Variants in RAD52 observed in about 807,000 individuals in gnomAD.
RAD52 encodes the protein RAD52 DNA repair protein.
A neutral mutation model predicts 55.5 loss-of-function variants in RAD52; 47 were observed. The ratio of observed to expected loss-of-function variants is 0.85; its 90% CI spans 0.67 to 1.08. The LOEUF is 1.08. RAD52 is among the 50% of genes least tolerant of loss of function. The pLI is 0.00. For missense variants in RAD52, 468 were observed against 522.8 expected (o/e 0.90, Z 1.02); for synonymous variants, 184 against 198.9 (o/e 0.92, Z 0.63).
At chr12:922,201 A>AAAC (rs1198096352) in intron 7 of RAD52, among the ~76,000 whole-genome samples, 3 of 147,594 alleles carry the variant, frequency 2.0e-5, no homozygotes, top group African/African-American at 7.3e-5. Context: ...TAAAAAAAAA[A>AAAC]AAAAAAAAAA....
chr12:916,596 C>CAGGAGGGGCCGCAGAGGAA (rs757433797), intron 8 of RAD52, 43 bp downstream of exon 8: 4 of 1,598,752 alleles, frequency 2.5e-6, no homozygotes, highest in Non-Finnish European at 3.4e-6. Context: ...CCCCGTGACA[C>CAGGAGGGGCCGCAGAGGAA]AGGAGGGGCC....
chr12:930,578 C>T (rs2154114150), intron 3 of RAD52, among the ~76,000 whole-genome samples: 1 of 151,014 alleles, frequency 6.6e-6, no homozygotes, highest in African/African-American at 2.4e-5. Context: ...AAATTAGAAG[C>T]AAATGATATG....
At chr12:991,085 GC>G (rs1374581100), upstream of RAD52, 1 of 151,532 alleles carries the variant, frequency 6.6e-6, no homozygotes, top group Admixed American at 6.6e-5. Flanking sequence ...AGGCCCCCGG[GC>G]CGCCGCGTCA....
intron 7 of RAD52, among the ~76,000 whole-genome samples, chr12:917,903 G>A (rs957199655): frequency 6.6e-5 from 10 of 151,922 alleles, no homozygotes; most frequent in Middle Eastern, 3.2e-3. Flanking sequence ...TCGCACCACC[G>A]CACTCCAGCC....
chr12:971,348 G>A (rs1958848578), intron 1 of RAD52, among the ~76,000 whole-genome samples: 1 of 151,986 alleles, frequency 6.6e-6, no homozygotes, highest in Non-Finnish European at 1.5e-5. Context: ...CCTCTAGTGT[G>A]AGAATTATAT....
chr12:958,797 G>A (rs920665226), intron 1 of RAD52, among the ~76,000 whole-genome samples: 6 of 152,148 alleles, frequency 3.9e-5, no homozygotes, highest in Admixed American at 6.6e-5. Context: ...TACAAGTGGC[G>A]GTGGGTGGGG....
chr12:986,354 A>G (rs1278388050), intron 1 of RAD52, among the ~76,000 whole-genome samples: 1 of 151,660 alleles, frequency 6.6e-6, no homozygotes, highest in Non-Finnish European at 1.5e-5. Flanking sequence ...GTGAACTACC[A>G]CATCCAGCCT....
At chr12:982,293 T>G (rs1454878691) in intron 1 of RAD52, among the ~76,000 whole-genome samples, 4 of 152,222 alleles carry the variant, frequency 2.6e-5, no homozygotes, top group African/African-American at 9.6e-5. Flanking sequence ...CTGAATAAAT[T>G]TGTAAATTGC....
rs566917889 is a variant in RAD52, at chr12:923,110, G to A, written c.543+2340C>T. The stretch of plus-strand genomic sequence containing the variant: ...TAGGCTCAAGTGATCTAACCACCTC[G>A]GCCTCCCAAAGTGCTAGGATTATAG... On this transcript the variant is annotated intron_variant, in intron 7 of 11. Transcript: ENST00000358495. 5.3e-4 allele frequency among the ~76,000 whole-genome samples: 81 copies of A among 151,846 alleles called. No homozygotes were observed. The South Asian group carries it at 0.01, about 19-fold the overall frequency.
intron 1 of RAD52, among the ~76,000 whole-genome samples, chr12:940,286 G>A (rs962791672): frequency 3.3e-4 from 50 of 151,850 alleles, no homozygotes; most frequent in African/African-American, 1.2e-3. Context: ...CTGGGAAGAA[G>A]GAGAAAAAGA....
intron 4 of RAD52, 24 bp from the exon 5 acceptor site, chr12:929,910 T>G: frequency 1.9e-6 from 3 of 1,606,516 alleles, no homozygotes; most frequent in Non-Finnish European, 2.6e-6. Flanking sequence ...AGAGAGCAAG[T>G]TGAAGAGGAC....
chr12:931,494 T>C (rs1592378561), intron 2 of RAD52, among the ~76,000 whole-genome samples, 173 bp from the exon 3 acceptor site: 1 of 152,214 alleles, frequency 6.6e-6, no homozygotes, highest in Admixed American at 6.5e-5. Context: ...AAGGCATGCA[T>C]GCCATTAGGC....
chr12:987,636 C>G (rs903533871), intron 1 of RAD52, among the ~76,000 whole-genome samples: 1 of 151,536 alleles, frequency 6.6e-6, no homozygotes, highest in African/African-American at 2.4e-5. Flanking sequence ...TTTCAGTTCA[C>G]TGCAACCTCT....
chr12:958,185 G>A (rs1014703452), intron 1 of RAD52, among the ~76,000 whole-genome samples: 13 of 152,148 alleles, frequency 8.5e-5, no homozygotes, highest in African/African-American at 2.7e-4. Flanking sequence ...TGAGCATTCC[G>A]GGAGAATGTC....
chr12:922,119 G>A (rs1361728771), intron 7 of RAD52, among the ~76,000 whole-genome samples: 1 of 110,946 alleles, frequency 9.0e-6, no homozygotes, highest in Admixed American at 1.0e-4. Context: ...AAGAAAATAT[G>A]GTCAACATCA....
chr12:977,314 A>C (rs982891352), intron 1 of RAD52, among the ~76,000 whole-genome samples: 6 of 152,176 alleles, frequency 3.9e-5, no homozygotes, highest in African/African-American at 9.7e-5. Context: ...CATGTGCCAT[A>C]CTGAAGTTAC....
chr12:985,118 G>A (rs1959069998), intron 1 of RAD52, among the ~76,000 whole-genome samples: 1 of 152,078 alleles, frequency 6.6e-6, no homozygotes, highest in South Asian at 2.1e-4. Context: ...CAATACAAAA[G>A]TTTTATATTT....
At chr12:984,826 G>A (rs186917011) in intron 1 of RAD52, among the ~76,000 whole-genome samples, 263 of 152,180 alleles carry the variant, frequency 1.7e-3, no homozygotes, top group African/African-American at 6.0e-3. Flanking sequence ...CACCATGCCC[G>A]GCTAATTTTT....
chr12:914,907 C>T (rs1009931969), intron 9 of RAD52, among the ~76,000 whole-genome samples: 7 of 152,174 alleles, frequency 4.6e-5, no homozygotes, highest in African/African-American at 1.4e-4. Flanking sequence ...CCTGTAACCC[C>T]AGCACTTTGG....
Sources: gnomAD v4.1 joint callset for allele counts (sites outside exome capture counted in the v4.1 genomes callset) on GRCh38, gnomAD v4.1.1 for gene constraint, MANE v1.5 for transcripts, NCBI Gene and HGNC (gene_info 2026-07-23, HGNC 2026-07-21) for gene names.